RANBP10: variants seen among roughly 807,000 people sequenced by gnomAD.
The protein encoded by RANBP10 is RAN binding protein 10, also known as ran-binding protein 10.
Under a neutral mutation model 72.8 loss-of-function variants are expected in RANBP10, and 24 were observed. The ratio of observed to expected loss-of-function variants is 0.33; its 90% CI spans 0.24 to 0.46. The LOEUF is 0.46. RANBP10 is among the 20% of genes least tolerant of loss of function. The probability of loss-of-function intolerance (pLI) is 1.00; values close to 1 mark genes in which losing one functional copy is unlikely to be tolerated. For missense variants in RANBP10, 679 were observed against 817.5 expected (o/e 0.83, Z 2.07); for synonymous variants, 310 against 322.3 (o/e 0.96, Z 0.41).
chr16:67,781,397 C>T (rs2054806930), intron 2 of RANBP10, among the ~76,000 whole-genome samples: 1 of 152,100 alleles, frequency 6.6e-6, no homozygotes, highest in African/African-American at 2.4e-5. Flanking sequence ...GGAGGGAGGG[C>T]GGCAACAAGG....
At chr16:67,780,235 A>C (rs2054785348) in intron 2 of RANBP10, among the ~76,000 whole-genome samples, 1 of 152,098 alleles carries the variant, frequency 6.6e-6, no homozygotes, top group Non-Finnish European at 1.5e-5. Context: ...CGTCTCAAAA[A>C]ACAAACAAAC....
intron 3 of RANBP10, among the ~76,000 whole-genome samples, chr16:67,757,393 C>T (rs1182750312): frequency 6.6e-6 from 1 of 152,224 alleles, no homozygotes; most frequent in Non-Finnish European, 1.5e-5. Context: ...CTAACCCTTG[C>T]AGCGCCAGGC....
At chr16:67,748,727 A>G (rs1567686324) in intron 3 of RANBP10, among the ~76,000 whole-genome samples, 1 of 152,146 alleles carries the variant, frequency 6.6e-6, no homozygotes, top group Non-Finnish European at 1.5e-5. Flanking sequence ...AGGCATGAGT[A>G]CAGGTGGGGC....
chr16:67,779,192 C>A (rs1423239092), intron 2 of RANBP10, among the ~76,000 whole-genome samples: 2 of 152,054 alleles, frequency 1.3e-5, no homozygotes, highest in Non-Finnish European at 2.9e-5. Context: ...ACCAGGAGTT[C>A]GAGATCAGCC....
At chr16:67,800,123 A>AAAC (rs893518767) in intron 2 of RANBP10, among the ~76,000 whole-genome samples, 16 of 152,002 alleles carry the variant, frequency 1.1e-4, no homozygotes, top group Admixed American at 2.0e-4. Flanking sequence ...TCTGTTTCAA[A>AAAC]AACAACAACA....
intron 3 of RANBP10, among the ~76,000 whole-genome samples, chr16:67,770,108 A>G (rs984977193): frequency 1.7e-4 from 26 of 152,116 alleles, no homozygotes; most frequent in African/African-American, 6.3e-4. Flanking sequence ...TCTTTTCTCC[A>G]CTACCAACTC....
At chr16:67,788,641 TG>T (rs1226825830) in intron 2 of RANBP10, among the ~76,000 whole-genome samples, 1 of 151,280 alleles carries the variant, frequency 6.6e-6, no homozygotes, top group African/African-American at 2.4e-5. Flanking sequence ...CTGCCTGCCT[TG>T]GCCTCCCAAA....
At chr16:67,727,934 G>A in intron 11 of RANBP10, 38 bp from the exon 12 acceptor site, 1 of 1,609,364 alleles carries the variant, frequency 6.2e-7, no homozygotes, top group South Asian at 1.1e-5. Context: ...GTTAGGAGGG[G>A]TGAAGAGGGA....
intron 2 of RANBP10, among the ~76,000 whole-genome samples, chr16:67,772,825 T>C (rs2054632696): frequency 6.6e-6 from 1 of 152,138 alleles, no homozygotes; most frequent in Non-Finnish European, 1.5e-5. Flanking sequence ...CACCCAAATG[T>C]GGGTGTCAGC....
intron 3 of RANBP10, among the ~76,000 whole-genome samples, chr16:67,769,113 C>T (rs1414715824): frequency 6.6e-6 from 1 of 151,874 alleles, no homozygotes; most frequent in Non-Finnish European, 1.5e-5. Context: ...TTTTAATTTC[C>T]CAATATATCC....
intron 7 of RANBP10, 69 bp downstream of exon 7, chr16:67,731,403 T>C: frequency 7.4e-7 from 1 of 1,356,054 alleles, no homozygotes; most frequent in Non-Finnish European, 1.1e-6. Flanking sequence ...TAACCAGGGT[T>C]GACATGAGCC....
chr16:67,767,454 C>CAAAAA (rs1178049394), intron 3 of RANBP10, among the ~76,000 whole-genome samples: 1 of 64,072 alleles, frequency 1.6e-5, no homozygotes, highest in African/African-American at 4.8e-5. Flanking sequence ...GACCCTGTTT[C>CAAAAA]AAAAAAAAAA....
chr16:67,736,166 CT>C (rs1014514502), intron 5 of RANBP10, among the ~76,000 whole-genome samples: 58 of 146,374 alleles, frequency 4.0e-4, no homozygotes, highest in Admixed American at 4.8e-4. Context: ...GTATCATGCA[CT>C]TTTTTTTTTT....
chr16:67,791,264 C>T lies in RANBP10; in HGVS notation c.347+14164G>A, dbSNP rs565659087. ...TCCTGACCTCGTGATCCACCCACCTCGGCCTCCCAAAGTGCTGGGATTACA... is the reference window on the plus strand; with the variant it reads ...TCCTGACCTCGTGATCCACCCACCTTGGCCTCCCAAAGTGCTGGGATTACA... On this transcript the variant is annotated intron_variant, in intron 2 of 13. Transcript: ENST00000317506. 1.6e-4 allele frequency among the ~76,000 whole-genome samples: 24 copies of T among 152,254 alleles called. No individual in the cohort carries two copies. The Middle Eastern group carries it at 0.01, about 65-fold the overall frequency.
chr16:67,727,704 A>T, intron 12 of RANBP10, 47 bp downstream of exon 12: 2 of 1,612,532 alleles, frequency 1.2e-6, no homozygotes, highest in Non-Finnish European at 1.7e-6. Flanking sequence ...CCCTGCCCCC[A>T]ACACCAAATG....
chr16:67,763,641 G>A (rs2054441503), intron 3 of RANBP10: 1 of 149,496 alleles, frequency 6.7e-6, no homozygotes, highest in Non-Finnish European at 1.5e-5. Context: ...GTCCCTCAAG[G>A]AAGGTGAGTC....
chr16:67,769,442 T>TAAAAAAAAAAAA (rs1567699137), intron 3 of RANBP10, among the ~76,000 whole-genome samples: 1 of 478 alleles, frequency 2.1e-3, no homozygotes, highest in Non-Finnish European at 5.4e-3. Context: ...AGACCCTGTC[T>TAAAAAAAAAAAA]CAAAAAAAAA....
chr16:67,725,680 T>C lies in RANBP10; in HGVS notation c.*748A>G, dbSNP rs930711133. ...CCCTTGGCCCTGTAGTTCTCTGCTCTGTCCAGCTCTCAGGGGCCTAGGGAT... is the reference window on the plus strand; with the variant it reads ...CCCTTGGCCCTGTAGTTCTCTGCTCCGTCCAGCTCTCAGGGGCCTAGGGAT... On this transcript the variant is annotated 3_prime_UTR_variant, in exon 14 of 14. Transcript: ENST00000317506. The C allele has an allele frequency of 6.6e-6, 1 of 152,270 alleles. No homozygotes were observed. Among genetic ancestry groups the C allele is most frequent in the Non-Finnish European group, 1.5e-5 (1 of 68,036 alleles). The allele number at this position is 152,270 out of a possible 1,614,324, so 9.4% of individuals were successfully genotyped here.
chr16:67,777,402 G>T (rs2054726561), intron 2 of RANBP10, among the ~76,000 whole-genome samples: 1 of 152,078 alleles, frequency 6.6e-6, no homozygotes, highest in Non-Finnish European at 1.5e-5. Flanking sequence ...CGGGCATGGT[G>T]GCGGGGGCCT....
Sources: allele counts gnomAD v4.1 joint callset (sites outside exome capture counted in the v4.1 genomes callset), GRCh38; gene constraint gnomAD v4.1.1; transcripts MANE v1.5; gene names NCBI Gene and HGNC (gene_info 2026-07-23, HGNC 2026-07-21).